Variants in LRP12 observed in about 807,000 individuals in gnomAD.
LRP12 encodes LDL receptor related protein 12, also known as low-density lipoprotein receptor-related protein 12.
LRP12 carries 14 observed loss-of-function variants against 66.0 expected under a neutral mutation model. The ratio of observed to expected loss-of-function variants is 0.21; its 90% CI spans 0.14 to 0.33. The LOEUF is 0.33. Among genes scored for constraint, LRP12 ranks in the 10% least tolerant of loss-of-function variants. The probability of loss-of-function intolerance (pLI) is 1.00; values close to 1 mark genes in which losing one functional copy is unlikely to be tolerated. For synonymous variants in LRP12, 357 were observed against 359.1 expected (o/e 0.99, Z 0.07); for missense variants, 889 against 1,053.4 (o/e 0.84, Z 2.16).
intron 1 of LRP12, among the ~76,000 whole-genome samples, chr8:104,538,397 C>T (rs1404728346): frequency 6.6e-6 from 1 of 152,066 alleles, no homozygotes; most frequent in Non-Finnish European, 1.5e-5. Flanking sequence ...ACACAACCAC[C>T]ACAACCCAAA....
At chr8:104,534,192 TAA>T (rs1376731510) in intron 1 of LRP12, among the ~76,000 whole-genome samples, 1 of 152,040 alleles carries the variant, frequency 6.6e-6, no homozygotes, top group African/African-American at 2.4e-5. Context: ...ATACACATAT[TAA>T]ATTAAAAATG....
intron 3 of LRP12, chr8:104,508,438 A>G (rs557090933): frequency 6.6e-6 from 1 of 152,348 alleles, no homozygotes; most frequent in African/African-American, 2.4e-5. Context: ...TTTCGAAGTT[A>G]TAAACAAAGA....
At chr8:104,547,587 T>C (rs1284783855) in intron 1 of LRP12, among the ~76,000 whole-genome samples, 1 of 120,638 alleles carries the variant, frequency 8.3e-6, no homozygotes, top group African/African-American at 3.3e-5. Flanking sequence ...TATATTAATA[T>C]ATAATATATA....
intron 1 of LRP12, among the ~76,000 whole-genome samples, chr8:104,580,896 C>G (rs982600097): frequency 6.6e-6 from 1 of 152,190 alleles, no homozygotes; most frequent in East Asian, 1.9e-4. Context: ...GACCTAAAAA[C>G]AGAAATATCA....
intron 1 of LRP12, among the ~76,000 whole-genome samples, chr8:104,545,528 A>G (rs1168526966): frequency 1.3e-5 from 2 of 152,168 alleles, no homozygotes; most frequent in Non-Finnish European, 2.9e-5. Context: ...AGCTACTGCA[A>G]TCTTCAACAA....
At chr8:104,570,862 A>G (rs1241816910) in intron 1 of LRP12, among the ~76,000 whole-genome samples, 2 of 152,186 alleles carry the variant, frequency 1.3e-5, no homozygotes, top group Admixed American at 6.5e-5. Flanking sequence ...GGAAAAATAT[A>G]TAAGAACTCC....
intron 1 of LRP12, among the ~76,000 whole-genome samples, chr8:104,551,411 G>A (rs931822169): frequency 2.6e-5 from 4 of 152,066 alleles, no homozygotes; most frequent in Admixed American, 2.6e-4. Context: ...ATATGTGCAG[G>A]TTTGTTACAT....
Position 104,498,089 on chromosome 8 carries a change from G to A in LRP12, c.476-13C>T, listed in dbSNP as rs767205733. 1.6e-5 allele frequency: 25 copies of A among 1,555,294 alleles called. No homozygotes were observed. The highest frequency in any genetic ancestry group is 2.8e-5 in the African/African-American group (2 of 72,680). ...TCCTCAGATTTCCCTGTGAAGATGT[G>A]AGTAGAAATAGATGGAAAGAGAAGG... is the stretch of plus-strand genomic sequence containing the variant. On this transcript the variant is annotated splice_polypyrimidine_tract_variant and intron_variant, in intron 4 of 6. Coordinates refer to ENST00000276654, the MANE Select transcript of LRP12 (RefSeq NM_013437.5).
chr8:104,502,515 C>T (rs1174701811), intron 3 of LRP12, among the ~76,000 whole-genome samples: 1 of 152,180 alleles, frequency 6.6e-6, no homozygotes, highest in Non-Finnish European at 1.5e-5. Context: ...TCCTCAACTG[C>T]ATCCTGACAC....
chr8:104,514,978 T>C (rs781288414), intron 2 of LRP12, among the ~76,000 whole-genome samples: 6 of 152,140 alleles, frequency 3.9e-5, no homozygotes, highest in Admixed American at 1.3e-4. Context: ...GGATGTGTGA[T>C]TGTTTACTTT....
Position 104,540,574 on chromosome 8 carries a change from T to G in LRP12, c.80-8611A>C, listed in dbSNP as rs549554851. 1.8e-4 allele frequency among the ~76,000 whole-genome samples: 27 copies of G among 152,358 alleles called. No individual in the cohort carries two copies. The South Asian group carries it at 5.4e-3, about 30-fold the overall frequency. ...ATATTTTCCTGATTGATTTAATTACTGGTATCCTAAAAGTATTATTTCTGT... is the reference window on the plus strand; with the variant it reads ...ATATTTTCCTGATTGATTTAATTACGGGTATCCTAAAAGTATTATTTCTGT... On this transcript the variant is annotated intron_variant, in intron 1 of 6. Transcript: ENST00000276654.
intron 1 of LRP12, among the ~76,000 whole-genome samples, chr8:104,588,603 C>T (rs953974173): frequency 6.6e-6 from 1 of 152,186 alleles, no homozygotes; most frequent in Admixed American, 6.5e-5. Context: ...CCCAGCCCCT[C>T]TCCACCACCC....
intron 1 of LRP12, among the ~76,000 whole-genome samples, chr8:104,554,137 C>T (rs557519145): frequency 4.6e-5 from 7 of 152,202 alleles, no homozygotes; most frequent in South Asian, 2.1e-4. Flanking sequence ...CCCTTGAGCC[C>T]GAGATCTTCC....
At chr8:104,540,891 G>A (rs1045807799) in intron 1 of LRP12, among the ~76,000 whole-genome samples, 25 of 151,976 alleles carry the variant, frequency 1.6e-4, no homozygotes, top group Non-Finnish European at 1.5e-4. Context: ...GTGCCATCAC[G>A]CCCAGCTAAT....
At position 104,588,993 on chromosome 8, in the gene LRP12, G is replaced by GCCGCCGCCGCCGCCGCCGCCA. The variant is rs1812390469; in HGVS notation, c.-97_-96insTGGCGGCGGCGGCGGCGGCGG. ...CGACGCCGCCGCCGCCGCCGCCGCC[G>GCCGCCGCCGCCGCCGCCGCCA]CCGCCGAGCCACCGGCTGCTCCCTG... On this transcript the variant is annotated 5_prime_UTR_variant, in exon 1 of 7. Transcript: ENST00000276654. 1.1e-6 allele frequency: 1 copy of GCCGCCGCCGCCGCCGCCGCCA among 904,730 alleles called. No homozygotes were observed. The highest frequency in any genetic ancestry group is 2.9e-5 in the Admixed American group (1 of 34,976). The allele number at this position is 904,730 out of a possible 1,614,324, so 56.0% of individuals were successfully genotyped here. A position where few individuals can be genotyped will look rare whatever the true frequency, so the allele number is the denominator to read the frequency against.
chr8:104,576,583 G>A (rs1308305381), intron 1 of LRP12, among the ~76,000 whole-genome samples: 3 of 152,130 alleles, frequency 2.0e-5, no homozygotes, highest in African/African-American at 4.8e-5. Context: ...ACCACCAGAC[G>A]TGCTGTGCAA....
intron 1 of LRP12, among the ~76,000 whole-genome samples, chr8:104,585,380 C>G (rs1368756815): frequency 1.3e-5 from 2 of 152,168 alleles, no homozygotes; most frequent in Admixed American, 6.5e-5. Context: ...CATGTACCAG[C>G]ACACCTGGCT....
At chr8:104,509,737 A>G (rs1810964985) in intron 2 of LRP12, among the ~76,000 whole-genome samples, 1 of 152,216 alleles carries the variant, frequency 6.6e-6, no homozygotes, top group African/African-American at 2.4e-5. Flanking sequence ...TCTGAGCTCT[A>G]AGGTAAGAAT....
In LRP12 at chr8:104,497,363, C is replaced by T; in HGVS notation, c.1189G>A (p.Gly397Arg). Reference protein sequence around the residue: ...GCYTEQQRCDGYWHCPNGRDE... With the variant: ...GCYTEQQRCDRYWHCPNGRDE... ...CTTCCATTTGGGCAATGCCAATACC[C>T]ATCACAACGCTGCTGCTCAGTATAA... The change falls in exon 5 of 7, where the codon GGG becomes AGG. Residue 397 changes from glycine to arginine, a missense_variant. This residue lies in a region of LRP12 where 800 missense variants were observed against 964.5 expected (regional missense o/e 0.83). Coordinates refer to ENST00000276654, the MANE Select transcript of LRP12 (RefSeq NM_013437.5). This position sits in a 1 kb window ranked among gnomAD's most constrained non-coding sequence, Gnocchi z 4.3. The T allele has an allele frequency of 6.2e-7, 1 of 1,613,914 alleles. No individual in the cohort carries two copies. Among genetic ancestry groups the T allele is most frequent in the Non-Finnish European group, 8.5e-7 (1 of 1,179,922 alleles).
Sources: gnomAD v4.1 joint callset for allele counts (sites outside exome capture counted in the v4.1 genomes callset) on GRCh38, gnomAD v4.1.1 for gene constraint, gnomAD v4.1.1 regional missense constraint, Gnocchi (gnomAD v3.1) non-coding constraint, MANE v1.5 for transcripts, NCBI Gene and HGNC (gene_info 2026-07-23, HGNC 2026-07-21) for gene names.